The following XRN2 variants were observed in gnomAD, a reference collection of about 807,000 sequenced individuals.
XRN2 encodes DHM1-like protein.
Under a neutral mutation model 138.5 loss-of-function variants are expected in XRN2, and 44 were observed. The observed-to-expected ratio is 0.32, with a 90% CI of 0.25 to 0.41. The LOEUF (loss-of-function observed/expected upper bound fraction) is 0.41, where lower values mean the gene tolerates loss of function less well. XRN2 is among the 10% of genes least tolerant of loss of function. The pLI, the probability that XRN2 is intolerant of heterozygous loss-of-function variation, is 1.00. For missense variants in XRN2, 937 were observed against 1,169.3 expected (o/e 0.80, Z 2.90); for synonymous variants, 354 against 369.4 (o/e 0.96, Z 0.48).
intron 9 of XRN2, among the ~76,000 whole-genome samples, 196 bp downstream of exon 9, chr20:21,332,636 C>G (rs538388724): frequency 1.3e-5 from 2 of 151,814 alleles, no homozygotes; most frequent in Non-Finnish European, 2.9e-5. Context: ...GTTCTGTTAC[C>G]GTTACCCTTC....
At chr20:21,338,330 A>G (rs2122228116) in intron 13 of XRN2, among the ~76,000 whole-genome samples, 1 of 152,262 alleles carries the variant, frequency 6.6e-6, no homozygotes, top group East Asian at 1.9e-4. Flanking sequence ...TGAACACAAA[A>G]TTCTGTCTAG....
At chr20:21,316,699 C>G (rs951555722) in intron 1 of XRN2, among the ~76,000 whole-genome samples, 7 of 152,132 alleles carry the variant, frequency 4.6e-5, no homozygotes, top group African/African-American at 1.4e-4. Context: ...TTACAGAGCA[C>G]GTTGAATTTG....
intron 29 of XRN2, 64 bp from the exon 30 acceptor site, chr20:21,389,209 A>G: frequency 6.9e-7 from 1 of 1,455,630 alleles, no homozygotes; most frequent in East Asian, 2.4e-5. Context: ...ATAGAGGTTT[A>G]AAGTTAACTG....
At chr20:21,380,431 A>G (rs1355708646) in intron 27 of XRN2, among the ~76,000 whole-genome samples, 1 of 152,220 alleles carries the variant, frequency 6.6e-6, no homozygotes, top group Non-Finnish European at 1.5e-5. Context: ...TACAAATGAA[A>G]TGATTGCTAT....
At chr20:21,348,314 G>C (rs62217931) in intron 18 of XRN2, 27 bp from the exon 19 acceptor site, 1 of 1,611,784 alleles carries the variant, frequency 6.2e-7, no homozygotes, top group Non-Finnish European at 8.5e-7. Flanking sequence ...AATAATCTTG[G>C]GTCTTTAATG....
At chr20:21,333,511 A>G in intron 9 of XRN2, 33 bp from the exon 10 acceptor site, 1 of 1,603,348 alleles carries the variant, frequency 6.2e-7, no homozygotes, top group Non-Finnish European at 8.5e-7. Context: ...GACGTAGAGT[A>G]GACTTGTTTC....
chr20:21,311,845 A>G (rs2037885327), intron 1 of XRN2, among the ~76,000 whole-genome samples: 1 of 152,050 alleles, frequency 6.6e-6, no homozygotes, highest in African/African-American at 2.4e-5. Flanking sequence ...ACAAAAAAAA[A>G]TTAGCTGGGC....
intron 20 of XRN2, among the ~76,000 whole-genome samples, chr20:21,351,507 A>G (rs1568585932): frequency 6.6e-6 from 1 of 152,190 alleles, no homozygotes; most frequent in African/African-American, 2.4e-5. Context: ...TATTGGATAT[A>G]TGATTTGCAT....
chr20:21,327,332 A>AG (rs981693531), intron 3 of XRN2, among the ~76,000 whole-genome samples: 4 of 152,196 alleles, frequency 2.6e-5, no homozygotes, highest in African/African-American at 9.7e-5. Context: ...AAACTCTATT[A>AG]GGGGGGTAAG....
At chr20:21,329,678 T>C (rs1256339750) in intron 4 of XRN2, among the ~76,000 whole-genome samples, 2 of 152,288 alleles carry the variant, frequency 1.3e-5, no homozygotes, top group East Asian at 3.9e-4. Context: ...TGAAATATAC[T>C]TGTTTCTTGA....
chr20:21,366,182 ATATAT>A (rs1304119449), intron 26 of XRN2, among the ~76,000 whole-genome samples: 47 of 127,486 alleles, frequency 3.7e-4, no homozygotes, highest in South Asian at 2.0e-3. Flanking sequence ...ATATATAAAT[ATATAT>A]TATATTTATA....
chr20:21,369,971 A>G (rs1451647564), intron 27 of XRN2, among the ~76,000 whole-genome samples: 1 of 152,192 alleles, frequency 6.6e-6, no homozygotes, highest in Non-Finnish European at 1.5e-5. Flanking sequence ...GATTTTCCCC[A>G]AAGTTTTGTT....
At chr20:21,352,388 C>T (rs1002592413) in intron 20 of XRN2, among the ~76,000 whole-genome samples, 5 of 151,764 alleles carry the variant, frequency 3.3e-5, no homozygotes, top group East Asian at 1.9e-4. Context: ...AGTGCAGTGA[C>T]GCGATCTCGG....
At chr20:21,352,024 G>A (rs6035853) in intron 20 of XRN2, among the ~76,000 whole-genome samples, 2 of 152,040 alleles carry the variant, frequency 1.3e-5, no homozygotes, top group East Asian at 1.9e-4. Context: ...TTCAAGGTCC[G>A]TTGAGATTTC....
chr20:21,332,249 A>T lies in XRN2; in HGVS notation c.701-34A>T, dbSNP rs760852602. The T allele has an allele frequency of 3.1e-6, 5 of 1,596,464 alleles. No individual in the cohort carries two copies. The Admixed American group carries it at 7.1e-5, about 23-fold the overall frequency. The stretch of plus-strand genomic sequence containing the variant: ...TGGTAAGACTTCTCTCAGAATACTC[A>T]CTGTTCGATGTTTTTCTCATTGTTG... On this transcript the variant is annotated intron_variant, in intron 8 of 29. Coordinates refer to ENST00000377191, the MANE Select transcript of XRN2 (RefSeq NM_012255.5).
chr20:21,319,012 A>G (rs145699886), intron 1 of XRN2, among the ~76,000 whole-genome samples: 33 of 152,214 alleles, frequency 2.2e-4, no homozygotes, highest in African/African-American at 7.9e-4. Context: ...GTCTCCAGCT[A>G]TCATTGTTGA....
In XRN2 at chr20:21,386,956, G is replaced by T; in HGVS notation, c.2737G>T (p.Ala913Ser). The T allele has an allele frequency of 6.2e-7, 1 of 1,613,958 alleles. No homozygotes were observed. Among genetic ancestry groups the T allele is most frequent in the Non-Finnish European group, 8.5e-7 (1 of 1,179,818 alleles). ...CCAGCCAAACCAGTACCAGATGCTA[G>T]CTGGGCCTGGTGGGTATCCACCCAG... ...AFQPNQYQML[A>S]GPGGYPPRRD... The change falls in exon 29 of 30, where the codon GCT (alanine) becomes TCT (serine). Residue 913 changes from alanine to serine, a missense_variant. Ala to Ser is a moderately conservative substitution (Grantham distance 99). Around this residue, in one of 6 missense-constraint regions of XRN2, gnomAD observed 372 missense variants for 414.4 expected, o/e 0.90. Coordinates refer to ENST00000377191, the MANE Select transcript of XRN2 (RefSeq NM_012255.5).
intron 1 of XRN2, among the ~76,000 whole-genome samples, chr20:21,308,872 G>A (rs2037839585): frequency 6.6e-6 from 1 of 151,982 alleles, no homozygotes; most frequent in Admixed American, 6.6e-5. Context: ...TGTATTTAAG[G>A]AATCCTTTGT....
chr20:21,355,954 T>G, intron 21 of XRN2, 126 bp from the exon 22 acceptor site: 3 of 562,548 alleles, frequency 5.3e-6, no homozygotes, highest in Non-Finnish European at 8.9e-6. Flanking sequence ...TTTAAAATTA[T>G]TTTTCATAAA....
Sources: gnomAD v4.1 joint callset for allele counts (sites outside exome capture counted in the v4.1 genomes callset) on GRCh38, gnomAD v4.1.1 for gene constraint, gnomAD v4.1.1 regional missense constraint, MANE v1.5 for transcripts, NCBI Gene and HGNC (gene_info 2026-07-23, HGNC 2026-07-21) for gene names.